ANKHD1: variants seen among roughly 807,000 people sequenced by gnomAD.
The protein encoded by ANKHD1 is ankyrin repeat and KH domain-containing protein 1.
A neutral mutation model predicts 230.5 loss-of-function variants in ANKHD1; 31 were observed. The observed-to-expected ratio is 0.13, with a 90% CI of 0.10 to 0.18. The LOEUF is 0.18. Among genes scored for constraint, ANKHD1 ranks in the 10% least tolerant of loss-of-function variants. The pLI is 1.00. For missense variants in ANKHD1, 2,256 were observed against 3,071.3 expected, an observed-to-expected ratio of 0.73 and a Z score of 6.27; for synonymous variants, 1,074 against 1,117.6, an observed-to-expected ratio of 0.96 and a Z score of 0.78.
chr5:140,511,956 C>T (rs1299421833), intron 22 of ANKHD1, among the ~76,000 whole-genome samples: 2 of 152,142 alleles, frequency 1.3e-5, no homozygotes, highest in African/African-American at 4.8e-5. Flanking sequence ...GATATGCTGG[C>T]CGGGTGCGGT....
At chr5:140,473,613 TTCATTTTTA>T (rs1750788601) in intron 10 of ANKHD1, among the ~76,000 whole-genome samples, 1 of 152,066 alleles carries the variant, frequency 6.6e-6, no homozygotes, top group South Asian at 2.1e-4. Context: ...ACTAATTTTT[TTCATTTTTA>T]TAGAGATGAG....
chr5:140,413,373 A>G (rs551647840), intron 1 of ANKHD1, among the ~76,000 whole-genome samples: 68 of 152,318 alleles, frequency 4.5e-4, no homozygotes, highest in Admixed American at 1.8e-3. Flanking sequence ...CTGTACATGT[A>G]TGTTAAATGT....
intron 10 of ANKHD1, among the ~76,000 whole-genome samples, chr5:140,469,423 C>T (rs1244838033): frequency 6.6e-6 from 1 of 151,116 alleles, no homozygotes; most frequent in African/African-American, 2.4e-5. Context: ...AGGTGGATTG[C>T]TTGAGCCCAG....
chr5:140,479,314 A>G (rs772961778), intron 10 of ANKHD1, among the ~76,000 whole-genome samples: 2 of 152,170 alleles, frequency 1.3e-5, no homozygotes, highest in Non-Finnish European at 2.9e-5. Flanking sequence ...GATGCTTTCT[A>G]TATTATTCTA....
chr5:140,470,658 T>G (rs1776431366), intron 10 of ANKHD1, among the ~76,000 whole-genome samples: 1 of 150,002 alleles, frequency 6.7e-6, no homozygotes. Flanking sequence ...GGGTCTTGCT[T>G]TATCTCCCAG....
intron 33 of ANKHD1, 112 bp downstream of exon 33, chr5:140,539,195 G>T: frequency 6.6e-7 from 1 of 1,511,224 alleles, no homozygotes; most frequent in South Asian, 1.3e-5. Context: ...ATTTCGATCT[G>T]GATTGCTTTT....
chr5:140,466,038 T>G (rs1776058851), intron 10 of ANKHD1, among the ~76,000 whole-genome samples: 1 of 152,230 alleles, frequency 6.6e-6, no homozygotes, highest in African/African-American at 2.4e-5. Context: ...ACCTGGATTC[T>G]CTCTTCATTG....
At chr5:140,437,148 T>C (rs1484415983) in intron 2 of ANKHD1, among the ~76,000 whole-genome samples, 1 of 152,204 alleles carries the variant, frequency 6.6e-6, no homozygotes, top group African/African-American at 2.4e-5. Flanking sequence ...TTTTTCCCCA[T>C]ATAATTTATT....
chr5:140,526,817 C>T, intron 26 of ANKHD1, 111 bp from the exon 27 acceptor site: 2 of 1,379,054 alleles, frequency 1.5e-6, no homozygotes, highest in Non-Finnish European at 1.9e-6. Flanking sequence ...ATTTGATGTG[C>T]CAAAGTTTAA....
Position 140,479,348 on chromosome 5 carries a change from A to C in ANKHD1, c.1783-3232A>C, listed in dbSNP as rs545141949. Among the ~76,000 whole-genome samples, 4 of 152,300 alleles carry C rather than the reference A, an allele frequency of 2.6e-5. No individual in the cohort carries two copies. The South Asian group carries it at 8.3e-4, about 32-fold the overall frequency. On this transcript the variant is annotated intron_variant, in intron 10 of 33. Transcript: ENST00000360839. ...TAGCTGTTCTCAAGAACAGAAAAAGAAACATTAAACTGCATGATATTTAAG... is the reference window on the plus strand; with the variant it reads ...TAGCTGTTCTCAAGAACAGAAAAAGCAACATTAAACTGCATGATATTTAAG...
intron 25 of ANKHD1, among the ~76,000 whole-genome samples, chr5:140,525,249 C>T (rs895440479): frequency 1.3e-4 from 20 of 151,994 alleles, no homozygotes; most frequent in African/African-American, 4.8e-4. Context: ...ATTAGGCTAA[C>T]AAGAGCAAAG....
chr5:140,529,536 A>G lies in ANKHD1; in HGVS notation c.6590A>G (p.Asn2197Ser). The change falls in exon 29 of 34, where the codon AAT becomes AGT. Residue 2197 changes from asparagine to serine, a missense_variant. Transcript: ENST00000360839. ...TCTCAGATGCACATAAACCCAGCAA[A>G]TAAGTCTTTGCCACCTACATTTGGC... is the stretch of plus-strand genomic sequence containing the variant. The part of the protein sequence containing the change: ...NGSQMHINPA[N>S]KSLPPTFGPA... 6.2e-7 allele frequency: 1 copy of G among 1,614,174 alleles called. No individual in the cohort carries two copies. The highest frequency in any genetic ancestry group is 8.5e-7 in the Non-Finnish European group (1 of 1,180,036).
At chr5:140,410,686 A>G (rs183050896) in intron 1 of ANKHD1, among the ~76,000 whole-genome samples, 4 of 152,084 alleles carry the variant, frequency 2.6e-5, no homozygotes, top group Non-Finnish European at 5.9e-5. Context: ...TCCCTCTCCT[A>G]TTGCTTGTCT....
chr5:140,438,142 G>A (rs1773590642), intron 2 of ANKHD1, among the ~76,000 whole-genome samples: 2 of 152,154 alleles, frequency 1.3e-5, no homozygotes, highest in Admixed American at 6.5e-5. Context: ...CTTATGGTGT[G>A]ACTATGTATT....
chr5:140,438,462 A>G lies in ANKHD1; in HGVS notation c.462A>G (p.Gly154=). The G allele has an allele frequency of 6.2e-7, 1 of 1,603,010 alleles. No individual in the cohort carries two copies. The highest frequency in any genetic ancestry group is 8.5e-7 in the Non-Finnish European group (1 of 1,174,168). The part of the protein sequence containing the change: ...ARLEALLEAA[G]IGKLSTADGK... ...CTGATTGATTGATGCACACTGAAGGAATTGGCAAATTGTCAACTGCTGATG... is the reference window on the plus strand; with the variant it reads ...CTGATTGATTGATGCACACTGAAGGGATTGGCAAATTGTCAACTGCTGATG... The change falls in exon 3 of 34, where the codon GGA becomes GGG. Residue 154 remains glycine, a splice_region_variant and synonymous_variant. Coordinates refer to ENST00000360839, the MANE Select transcript of ANKHD1 (RefSeq NM_017747.3).
intron 1 of ANKHD1, among the ~76,000 whole-genome samples, chr5:140,431,254 T>G (rs1773022340): frequency 6.6e-6 from 1 of 152,204 alleles, no homozygotes; most frequent in Non-Finnish European, 1.5e-5. Flanking sequence ...TATAACTCAT[T>G]CTGGGTTTTT....
chr5:140,427,542 C>T (rs1233759367), intron 1 of ANKHD1, among the ~76,000 whole-genome samples: 22 of 128,620 alleles, frequency 1.7e-4, no homozygotes, highest in African/African-American at 2.3e-4. Context: ...GCTGGCCGGG[C>T]GGGGGGCTGA....
At chr5:140,433,108 C>G (rs1212196121) in intron 1 of ANKHD1, among the ~76,000 whole-genome samples, 1 of 150,138 alleles carries the variant, frequency 6.7e-6, no homozygotes, top group Non-Finnish European at 1.5e-5. Context: ...TTGCCGTGTT[C>G]CCCAGGCTGG....
rs530910461 is a variant in ANKHD1 at position 140,525,900 on chromosome 5, A to G, written c.4493-96A>G. The G allele has an allele frequency of 1.3e-3, 1,872 of 1,400,500 alleles. 1 individual carries two copies. The highest frequency in any genetic ancestry group is 1.7e-3 in the Non-Finnish European group (1,774 of 1,062,198). 86.8% of individuals were successfully genotyped at this position (1,400,500 alleles called of 1,614,324 possible). ...CTGGTGAAAGGAAAATATGATGTAA[A>G]ACACTGAATTATTATGAATTATCAA... On this transcript the variant is annotated intron_variant, in intron 25 of 33. Transcript: ENST00000360839.
Sources: gnomAD v4.1 joint callset for allele counts (sites outside exome capture counted in the v4.1 genomes callset) on GRCh38, gnomAD v4.1.1 for gene constraint, MANE v1.5 for transcripts, NCBI Gene and HGNC (gene_info 2026-07-23, HGNC 2026-07-21) for gene names.